TANC2: variants seen among roughly 807,000 people sequenced by gnomAD.
TANC2 encodes the protein tetratricopeptide repeat, ankyrin repeat and coiled-coil containing 2, also known as protein TANC2.
A neutral mutation model predicts 210.5 loss-of-function variants in TANC2; 26 were observed. The ratio of observed to expected loss-of-function variants is 0.12; its 90% confidence interval spans 0.09 to 0.17. The LOEUF is 0.17. Ranked by LOEUF, TANC2 falls within the 10% of genes least tolerant of loss-of-function variation. The pLI is 1.00. For missense variants in TANC2, 2,129 were observed against 2,608.9 expected (o/e 0.82, Z 4.01); for synonymous variants, 931 against 967.1 (o/e 0.96, Z 0.69).
intron 4 of TANC2, among the ~76,000 whole-genome samples, chr17:63,130,372 C>T (rs1243609333): frequency 1.3e-5 from 2 of 151,682 alleles, no homozygotes; most frequent in African/African-American, 2.4e-5. Context: ...ATTAGCTGGG[C>T]GTGGTGGTGC....
At chr17:62,997,720 A>G (rs1235241393) in intron 1 of TANC2, among the ~76,000 whole-genome samples, 4 of 152,194 alleles carry the variant, frequency 2.6e-5, no homozygotes, top group African/African-American at 9.7e-5. Context: ...ATTTTCTTCA[A>G]TCTTTAAACT....
At chr17:63,152,069 T>A (rs1043103031) in intron 5 of TANC2, 2 of 152,180 alleles carry the variant, frequency 1.3e-5, no homozygotes, top group African/African-American at 4.8e-5. Context: ...TTACACTCTC[T>A]CTACAGTCAG....
At chr17:63,049,674 GGAGGGTTTTGAGGA>G (rs1357354828) in intron 2 of TANC2, among the ~76,000 whole-genome samples, 2 of 152,136 alleles carry the variant, frequency 1.3e-5, no homozygotes, top group South Asian at 4.1e-4. Context: ...AGAAACCTTT[GGAGGGTTTTGAGGA>G]GAAGAGTTTA....
chr17:63,107,844 T>C (rs895619134), intron 4 of TANC2, among the ~76,000 whole-genome samples: 1 of 151,728 alleles, frequency 6.6e-6, no homozygotes, highest in Non-Finnish European at 1.5e-5. Flanking sequence ...TAGTGAATGC[T>C]TAAGGGTATA....
At chr17:62,968,833 A>C (rs192149216) in intron 1 of TANC2, among the ~76,000 whole-genome samples, 1 of 152,282 alleles carries the variant, frequency 6.6e-6, no homozygotes, top group East Asian at 1.9e-4. Flanking sequence ...TCTATTTTAA[A>C]TATAGGTAGC....
chr17:62,970,435 A>G (rs991983565), intron 1 of TANC2, among the ~76,000 whole-genome samples: 1 of 152,178 alleles, frequency 6.6e-6, no homozygotes, highest in African/African-American at 2.4e-5. Context: ...ACATTAATAG[A>G]TTATTTCCCT....
At chr17:63,358,376 A>AGTGTGTGTGT (rs1555641221) in intron 14 of TANC2, among the ~76,000 whole-genome samples, 51 of 81,014 alleles carry the variant, frequency 6.3e-4, no homozygotes, top group African/African-American at 1.2e-3. Context: ...AGAGAGAGAG[A>AGTGTGTGTGT]GTATGTGTGT....
At chr17:63,231,560 T>C (rs1344562471) in intron 7 of TANC2, among the ~76,000 whole-genome samples, 2 of 152,228 alleles carry the variant, frequency 1.3e-5, no homozygotes, top group Non-Finnish European at 2.9e-5. Flanking sequence ...TGGAAATTCT[T>C]TTCTTTAAGA....
At chr17:63,145,858 A>T (rs1282180408) in intron 4 of TANC2, among the ~76,000 whole-genome samples, 1 of 151,990 alleles carries the variant, frequency 6.6e-6, no homozygotes, top group Non-Finnish European at 1.5e-5. Context: ...TATTTTTTTC[A>T]AGATTGTTTT....
At chr17:63,298,501 C>T (rs1160361778) in intron 9 of TANC2, among the ~76,000 whole-genome samples, 4 of 152,026 alleles carry the variant, frequency 2.6e-5, no homozygotes, top group Non-Finnish European at 4.4e-5. Flanking sequence ...ACACAGAAAG[C>T]GAATTGTTTG....
At chr17:63,348,179 C>T (rs923574282) in intron 12 of TANC2, among the ~76,000 whole-genome samples, 1 of 152,120 alleles carries the variant, frequency 6.6e-6, no homozygotes, top group African/African-American at 2.4e-5. Context: ...TTCAACAATT[C>T]CTATATATAC....
intron 1 of TANC2, chr17:63,005,204 G>T (rs2033563154): frequency 6.6e-6 from 1 of 151,758 alleles, no homozygotes; most frequent in Non-Finnish European, 1.5e-5. Context: ...TTGTTGAAAA[G>T]ACTTTCCTTT....
chr17:63,236,700 C>T (rs2042630333), intron 7 of TANC2, among the ~76,000 whole-genome samples: 2 of 152,016 alleles, frequency 1.3e-5, no homozygotes, highest in Admixed American at 6.6e-5. Context: ...CCATTTTCTA[C>T]TTCAATATGT....
chr17:63,022,794 C>T (rs1319082947), intron 2 of TANC2, among the ~76,000 whole-genome samples: 1 of 152,148 alleles, frequency 6.6e-6, no homozygotes, highest in Non-Finnish European at 1.5e-5. Context: ...TGTGGTCCTG[C>T]TTGGCTGCAC....
At chr17:63,246,279 G>C (rs2042918803) in intron 8 of TANC2, among the ~76,000 whole-genome samples, 1 of 149,512 alleles carries the variant, frequency 6.7e-6, no homozygotes, top group Admixed American at 6.6e-5. Flanking sequence ...GCAGCAGTCT[G>C]TGTGTGGATT....
At chr17:63,359,669 G>A (rs1163949212) in intron 14 of TANC2, among the ~76,000 whole-genome samples, 1 of 152,138 alleles carries the variant, frequency 6.6e-6, no homozygotes, top group East Asian at 1.9e-4. Context: ...ATTTTTAAAT[G>A]TTTGAATAAG....
intron 21 of TANC2, among the ~76,000 whole-genome samples, chr17:63,407,466 A>G (rs758926062): frequency 6.6e-6 from 1 of 152,220 alleles, no homozygotes; most frequent in African/African-American, 2.4e-5. Context: ...GATAGCTGCA[A>G]AGTACCTGTC....
chr17:63,289,724 T>C (rs997686338), intron 9 of TANC2, among the ~76,000 whole-genome samples: 1 of 152,222 alleles, frequency 6.6e-6, no homozygotes, highest in Non-Finnish European at 1.5e-5. Flanking sequence ...CATTGTGTTC[T>C]TTGCCTTTTA....
chr17:63,384,695 A>G (rs1236050755), intron 15 of TANC2, among the ~76,000 whole-genome samples: 4 of 152,142 alleles, frequency 2.6e-5, no homozygotes, highest in African/African-American at 9.7e-5. Flanking sequence ...ACACAATTTT[A>G]CTTTAATTTA....
Sources: gnomAD v4.1 joint callset for allele counts (sites outside exome capture counted in the v4.1 genomes callset) on GRCh38, gnomAD v4.1.1 for gene constraint, MANE v1.5 for transcripts, NCBI Gene and HGNC (gene_info 2026-07-23, HGNC 2026-07-21) for gene names.